The following ADCK5 variants were observed in gnomAD, a reference collection of about 807,000 sequenced individuals.
The protein encoded by ADCK5 is uncharacterized aarF domain-containing protein kinase 5.
ADCK5 carries 43 observed loss-of-function variants against 64.9 expected under a neutral mutation model. The ratio of observed to expected loss-of-function variants is 0.66; its 90% confidence interval spans 0.52 to 0.85. ADCK5 has a LOEUF of 0.85. Among genes scored for constraint, ADCK5 ranks in the 40% least tolerant of loss-of-function variants. The pLI is 0.00. For synonymous variants in ADCK5, 434 were observed against 342.8 expected, an observed-to-expected ratio of 1.27 and a Z score of -2.94; for missense variants, 760 against 810.5, an observed-to-expected ratio of 0.94 and a Z score of 0.76.
Position 144,391,273 on chromosome 8 carries a change from A to G in ADCK5, c.683A>G (p.Lys228Arg). The G allele has an allele frequency of 6.2e-7, 1 of 1,612,418 alleles. No individual in the cohort carries two copies. The highest frequency in any genetic ancestry group is 8.5e-7 in the Non-Finnish European group (1 of 1,180,014). The change falls in exon 6 of 15, where the codon AAG (lysine) becomes AGG (arginine). Residue 228 changes from lysine to arginine, a missense_variant and splice_region_variant. This residue lies in a region of ADCK5 where 427 missense variants were observed against 518.4 expected (regional missense o/e 0.82). Transcript: ENST00000308860. ...KLHDGTSVAV[K>R]VQYIDLRDRF... ...CACGATGGCACCAGCGTGGCTGTGA[A>G]GGTATATGGGGGCTGCCTTGTTCAG...
chr8:144,383,880 A>G (rs1819789269), intron 3 of ADCK5, among the ~76,000 whole-genome samples: 1 of 135,822 alleles, frequency 7.4e-6, no homozygotes, highest in Non-Finnish European at 1.5e-5. Flanking sequence ...CTGTTAGCCC[A>G]AAGCCCTTTT....
At chr8:144,388,718 T>TCA (rs1820056094) in intron 3 of ADCK5, among the ~76,000 whole-genome samples, 1 of 145,496 alleles carries the variant, frequency 6.9e-6, no homozygotes, top group South Asian at 2.2e-4. Context: ...TGAGCCAAGA[T>TCA]CGCCACCACA....
In ADCK5 at chr8:144,390,740, G is replaced by T; in HGVS notation, c.336G>T (p.Val112=). 1.9e-6 allele frequency: 3 copies of T among 1,613,816 alleles called. No homozygotes were observed. The highest frequency in any genetic ancestry group is 2.5e-6 in the Non-Finnish European group (3 of 1,179,944). The change falls in exon 4 of 15, where the codon GTG becomes GTT. Residue 112 remains valine (V), a synonymous_variant. Transcript: ENST00000308860. The part of the protein sequence containing the change: ...WWCTNVVLRG[V]EENSPGYLEV... ...GCACCAATGTTGTCCTTCGAGGGGTGGAAGAGGTTTGTCCTGGTGCCCTGG... is the reference window on the plus strand; with the variant it reads ...GCACCAATGTTGTCCTTCGAGGGGTTGAAGAGGTTTGTCCTGGTGCCCTGG...
chr8:144,381,201 A>C (rs1208582600), intron 2 of ADCK5, among the ~76,000 whole-genome samples: 1 of 147,570 alleles, frequency 6.8e-6, no homozygotes, highest in South Asian at 2.2e-4. Context: ...ACTCAGGATT[A>C]TGGGCCGGGT....
chr8:144,379,353 T>C (rs782658587), intron 1 of ADCK5, 34 bp from the exon 2 acceptor site: 2 of 1,537,656 alleles, frequency 1.3e-6, no homozygotes, highest in South Asian at 2.4e-5. Context: ...TGTCCTGGCC[T>C]CGTTCGACCC....
rs782650117 is a variant in ADCK5, at chr8:144,391,800, C to T, written c.948C>T (p.Asp316=). 1 of 1,540,398 alleles carries T rather than the reference C, an allele frequency of 6.5e-7. No individual in the cohort carries two copies. The highest frequency in any genetic ancestry group is 1.2e-5 in the South Asian group (1 of 85,344). ...DKSSKRVLTA[D]FCAGCKVNDV... is the part of the protein sequence containing the mutation. ...CTCCCCAGCGCGTGCTCACTGCCGA[C>T]TTCTGCGCCGGCTGCAAGGTCAACG... The change falls in exon 9 of 15, where the codon GAC becomes GAT. Residue 316 remains aspartate, a synonymous_variant. Transcript: ENST00000308860.
intron 3 of ADCK5, among the ~76,000 whole-genome samples, chr8:144,387,050 G>C (rs1409369917): frequency 3.3e-5 from 5 of 152,210 alleles, no homozygotes; most frequent in Non-Finnish European, 7.3e-5. Context: ...TGTCTGATTT[G>C]CAAATAAAGC....
chr8:144,374,139 A>T, intron 1 of ADCK5, 32 bp downstream of exon 1: 7 of 1,248,330 alleles, frequency 5.6e-6, no homozygotes, highest in Non-Finnish European at 7.1e-6. Flanking sequence ...GGCGCCCGAG[A>T]TCCTGCACAC....
Position 144,393,206 on chromosome 8 carries a change from G to T in ADCK5, c.*132G>T. 7.4e-7 allele frequency: 1 copy of T among 1,353,306 alleles called. No individual in the cohort carries two copies. The highest frequency in any genetic ancestry group is 9.9e-7 in the Non-Finnish European group (1 of 1,009,912). The allele number at this position is 1,353,306 out of a possible 1,614,324, so 83.8% of individuals were successfully genotyped here. A position where few individuals can be genotyped will look rare whatever the true frequency, so the allele number is the denominator to read the frequency against. ...GCTGTGACAGCAGCTGGGCCAGGAG[G>T]CCGTGTAATGACCACACACTCCTCT... On this transcript the variant is annotated 3_prime_UTR_variant, in exon 15 of 15. Coordinates refer to ENST00000308860, the MANE Select transcript of ADCK5 (RefSeq NM_174922.5).
chr8:144,378,176 G>C (rs1564667154), intron 1 of ADCK5, among the ~76,000 whole-genome samples: 1 of 152,218 alleles, frequency 6.6e-6, no homozygotes, highest in Non-Finnish European at 1.5e-5. Context: ...GTAGGATAGT[G>C]TTTCCATTAC....
intron 2 of ADCK5, among the ~76,000 whole-genome samples, chr8:144,379,927 A>G (rs1363321565): frequency 6.6e-6 from 1 of 152,182 alleles, no homozygotes; most frequent in East Asian, 1.9e-4. Flanking sequence ...CAGTGCGCAG[A>G]TGGACGGTGG....
At chr8:144,382,592 A>G (rs781178744) in intron 2 of ADCK5, among the ~76,000 whole-genome samples, 30 of 152,338 alleles carry the variant, frequency 2.0e-4, no homozygotes, top group Admixed American at 2.6e-4. Flanking sequence ...TGATCCTACT[A>G]TATTCAATAT....
chr8:144,390,744 G>A lies in ADCK5; in HGVS notation c.340G>A (p.Glu114Lys). Residue 114 changes from glutamate (E) to lysine (K), a missense_variant and splice_region_variant, in exon 4 of 15, where the codon GAG becomes AAG. Glu to Lys is a moderately conservative substitution (Grantham distance 56). Transcript: ENST00000308860. ...CTNVVLRGVE[E>K]NSPGYLEVMS... is the part of the protein sequence containing the mutation. ...CAATGTTGTCCTTCGAGGGGTGGAA[G>A]AGGTTTGTCCTGGTGCCCTGGGCAC... 1.2e-6 allele frequency: 2 copies of A among 1,613,848 alleles called. No homozygotes were observed. Among genetic ancestry groups the A allele is most frequent in the East Asian group, 2.2e-5 (1 of 44,878 alleles).
chr8:144,382,511 G>C (rs1199703475), intron 2 of ADCK5, among the ~76,000 whole-genome samples: 2 of 149,776 alleles, frequency 1.3e-5, no homozygotes, highest in Non-Finnish European at 2.9e-5. Context: ...GGCTCCTGCT[G>C]TATTCAGCAA....
At chr8:144,392,745 G>T in intron 13 of ADCK5, 31 bp from the exon 14 acceptor site, 2 of 1,586,640 alleles carry the variant, frequency 1.3e-6, no homozygotes, top group South Asian at 2.2e-5. Context: ...CTGGTGTGGG[G>T]CTGACGCGGC....
intron 3 of ADCK5, among the ~76,000 whole-genome samples, chr8:144,388,974 A>G (rs1158954637): frequency 6.6e-6 from 1 of 152,200 alleles, no homozygotes; most frequent in Non-Finnish European, 1.5e-5. Context: ...ACGCAGGGAC[A>G]GGCCTCTGGC....
At chr8:144,381,424 A>G (rs1352559642) in intron 2 of ADCK5, among the ~76,000 whole-genome samples, 731 of 45,528 alleles carry the variant, frequency 0.016, no homozygotes, top group Admixed American at 0.029. Context: ...ATTATGGGCC[A>G]GGTGTAGAAA....
intron 3 of ADCK5, among the ~76,000 whole-genome samples, chr8:144,383,886 C>CTTT (rs35307889): frequency 4.6e-5 from 3 of 64,880 alleles, no homozygotes; most frequent in Admixed American, 2.0e-4. Context: ...GCCCAAAGCC[C>CTTT]TTTTTTTTTT....
intron 2 of ADCK5, among the ~76,000 whole-genome samples, chr8:144,382,605 G>A (rs1263502860): frequency 6.6e-6 from 1 of 152,178 alleles, no homozygotes; most frequent in African/African-American, 2.4e-5. Context: ...TTCAATATGG[G>A]GCAAGCTCTG....
Sources: gnomAD v4.1 joint callset for allele counts (sites outside exome capture counted in the v4.1 genomes callset) on GRCh38, gnomAD v4.1.1 for gene constraint, gnomAD v4.1.1 regional missense constraint, MANE v1.5 for transcripts, NCBI Gene and HGNC (gene_info 2026-07-23, HGNC 2026-07-21) for gene names.